MYOM1: variants seen among roughly 807,000 people sequenced by gnomAD.
The protein encoded by MYOM1 is myomesin 1.
MYOM1 carries 164 observed loss-of-function variants against 205.3 expected under a neutral mutation model. That is an observed-to-expected ratio of 0.80 (90% CI 0.70 to 0.91). The LOEUF (loss-of-function observed/expected upper bound fraction) is 0.91, where lower values mean the gene tolerates loss of function less well. MYOM1 is among the 40% of genes least tolerant of loss of function. The pLI is 0.00. For synonymous variants in MYOM1, 772 were observed against 789.4 expected (o/e 0.98, Z 0.37); for missense variants, 2,011 against 2,127.3 (o/e 0.95, Z 1.08).
chr18:3,226,247 G>T, the MYOM1 span, among the ~76,000 whole-genome samples: 3 of 152,172 alleles, frequency 2.0e-5, no homozygotes, highest in Non-Finnish European at 4.4e-5. This position sits in a 1 kb window ranked among gnomAD's most constrained non-coding sequence, Gnocchi z 4.6. Flanking sequence ...CAGGCACTGG[G>T]ATTGAGGACA....
chr18:3,194,780 G>A (rs903411847), intron 2 of MYOM1, among the ~76,000 whole-genome samples: 6 of 151,838 alleles, frequency 4.0e-5, no homozygotes, highest in African/African-American at 1.5e-4. Flanking sequence ...TGAACTCCCT[G>A]AAGTCAATCC....
chr18:3,238,548 G>GGAGCAA, the MYOM1 span, among the ~76,000 whole-genome samples: 2 of 152,120 alleles, frequency 1.3e-5, no homozygotes, highest in Non-Finnish European at 2.9e-5. Flanking sequence ...TTTCTATAAG[G>GGAGCAA]GAGCAAGAAA....
chr18:3,089,029 A>T (rs2079189024), intron 29 of MYOM1, 145 bp downstream of exon 29: 1 of 498,444 alleles, frequency 2.0e-6, no homozygotes, highest in East Asian at 3.3e-5. Context: ...TTATCAACAA[A>T]TGGTTACAGT....
intron 1 of MYOM1, among the ~76,000 whole-genome samples, chr18:3,217,902 T>C (rs2081289359): frequency 6.6e-6 from 1 of 151,962 alleles, no homozygotes; most frequent in Non-Finnish European, 1.5e-5. Context: ...ATATATAAGC[T>C]CTCTCAAATC....
intron 21 of MYOM1, among the ~76,000 whole-genome samples, chr18:3,113,689 C>T (rs967106199): frequency 2.7e-5 from 4 of 150,240 alleles, no homozygotes; most frequent in South Asian, 2.1e-4. Flanking sequence ...TTACTATTAC[C>T]AATACTGTTA....
At position 3,169,072 on chromosome 18, in the gene MYOM1, C is replaced by A. The variant is rs201775172; in HGVS notation, c.1175-91G>T. ...AAGCACAGGCAGAAAGCAGTCACAGCAAAAAAAAAATGAACAAATGAGCAA... is the reference window on the plus strand; with the variant it reads ...AAGCACAGGCAGAAAGCAGTCACAGAAAAAAAAAAATGAACAAATGAGCAA... On this transcript the variant is annotated intron_variant, in intron 8 of 37. Coordinates refer to ENST00000356443, the MANE Select transcript of MYOM1 (RefSeq NM_003803.4). 2,739 of 895,376 alleles carry A rather than the reference C, an allele frequency of 3.1e-3. 3 individuals are homozygous for A. The highest frequency in any genetic ancestry group is 0.01 in the South Asian group (518 of 51,206). The allele number at this position is 895,376 out of a possible 1,614,324, so 55.5% of individuals were successfully genotyped here.
At chr18:3,093,213 G>C (rs2079251264) in intron 26 of MYOM1, among the ~76,000 whole-genome samples, 1 of 152,132 alleles carries the variant, frequency 6.6e-6, no homozygotes, top group Non-Finnish European at 1.5e-5. Context: ...ATACATCTCA[G>C]TGAAAAGGGA....
At chr18:3,155,437 G>A (rs986643303) in intron 10 of MYOM1, among the ~76,000 whole-genome samples, 7 of 152,188 alleles carry the variant, frequency 4.6e-5, no homozygotes, top group African/African-American at 7.2e-5. Flanking sequence ...TGTTAGCCAG[G>A]ATGGTCTTGA....
chr18:3,094,376 A>C, intron 25 of MYOM1, 70 bp from the exon 26 acceptor site: 8 of 1,153,096 alleles, frequency 6.9e-6, no homozygotes, highest in East Asian at 5.6e-5. Context: ...TTTTCCATCA[A>C]GTGAAAAAAA....
intron 8 of MYOM1, among the ~76,000 whole-genome samples, chr18:3,170,575 A>G (rs760622832): frequency 6.6e-6 from 1 of 152,206 alleles, no homozygotes; most frequent in Non-Finnish European, 1.5e-5. Context: ...TTATTCTCAG[A>G]AATATCTTAT....
intron 2 of MYOM1, among the ~76,000 whole-genome samples, chr18:3,194,945 C>T (rs1465094215): frequency 3.3e-5 from 5 of 152,006 alleles, no homozygotes; most frequent in South Asian, 2.1e-4. Context: ...TTAAGAGCCC[C>T]CGTCTAGAGA....
At chr18:3,196,627 G>T (rs940627844) in intron 2 of MYOM1, among the ~76,000 whole-genome samples, 1 of 152,202 alleles carries the variant, frequency 6.6e-6, no homozygotes, top group African/African-American at 2.4e-5. Flanking sequence ...CTATGAGCCT[G>T]TAACTGTATC....
In MYOM1 at chr18:3,193,336, ATG is replaced by A. The variant is rs1176069536; in HGVS notation, c.431+480_431+481del. Among the ~76,000 whole-genome samples, 634 of 140,988 alleles carry A rather than the reference ATG, an allele frequency of 4.5e-3. 11 individuals carry two copies. The highest frequency in any genetic ancestry group is 0.017 in the African/African-American group (613 of 35,890). 92.5% of individuals were successfully genotyped at this position (140,988 alleles called of 152,430 possible). On this transcript the variant is annotated intron_variant, in intron 3 of 37. Coordinates refer to ENST00000356443, the MANE Select transcript of MYOM1 (RefSeq NM_003803.4). ...TATGTATATGTACATATACATATATATGTACATATACATATATATATATATAC... is the reference window on the plus strand; with the variant it reads ...TATGTATATGTACATATACATATATATACATATACATATATATATATATAC...
chr18:3,069,711 G>GA (rs34792647), intron 37 of MYOM1, among the ~76,000 whole-genome samples: 38,644 of 150,088 alleles, frequency 0.26, 6,072 homozygotes, highest in African/African-American at 0.45. Flanking sequence ...TAGTGGTTAG[G>GA]AAAAAAAAAT....
chr18:3,115,569 G>T (rs2079592501), intron 21 of MYOM1, among the ~76,000 whole-genome samples: 1 of 152,192 alleles, frequency 6.6e-6, no homozygotes, highest in African/African-American at 2.4e-5. Context: ...CTGTGGTGAA[G>T]TCAGTCACAT....
chr18:3,162,660 C>CTAA (rs1300166195), intron 10 of MYOM1, among the ~76,000 whole-genome samples: 10 of 152,322 alleles, frequency 6.6e-5, no homozygotes, highest in African/African-American at 2.4e-4. Flanking sequence ...CCTAAAAGTG[C>CTAA]TAATGGTCTT....
At chr18:3,155,428 G>A (rs192686318) in intron 10 of MYOM1, among the ~76,000 whole-genome samples, 16 of 152,272 alleles carry the variant, frequency 1.1e-4, no homozygotes, top group South Asian at 2.1e-4. Context: ...GTTTCACCGT[G>A]TTAGCCAGGA....
chr18:3,090,590 G>A (rs2079212404), intron 27 of MYOM1, 68 bp downstream of exon 27: 1 of 1,564,370 alleles, frequency 6.4e-7, no homozygotes, highest in African/African-American at 1.4e-5. Flanking sequence ...AACAACTTTT[G>A]TGCCATGGGG....
chr18:3,124,671 T>TGGG (rs374706399), intron 19 of MYOM1, among the ~76,000 whole-genome samples: 11 of 149,812 alleles, frequency 7.3e-5, no homozygotes, highest in African/African-American at 2.7e-4. Flanking sequence ...TATGTCTCTG[T>TGGG]GGGGGGGGGT....
Sources: allele counts gnomAD v4.1 joint callset (sites outside exome capture counted in the v4.1 genomes callset), GRCh38; gene constraint gnomAD v4.1.1; non-coding constraint Gnocchi (gnomAD v3.1); transcripts MANE v1.5; gene names NCBI Gene and HGNC (gene_info 2026-07-23, HGNC 2026-07-21).